The following SLC35D2 variants were observed in gnomAD, a reference collection of about 807,000 sequenced individuals.
The protein encoded by SLC35D2 is solute carrier family 35 member D2, also known as nucleotide sugar transporter SLC35D2.
SLC35D2 carries 43 observed loss-of-function variants against 41.8 expected under a neutral mutation model. The ratio of observed to expected loss-of-function variants is 1.03; its 90% confidence interval spans 0.81 to 1.33. The LOEUF is 1.33. SLC35D2 is among the 40% of genes most tolerant of loss of function. The pLI, the probability that SLC35D2 is intolerant of heterozygous loss-of-function variation, is 0.00. For missense variants in SLC35D2, 380 were observed against 408.4 expected (o/e 0.93, Z 0.60); for synonymous variants, 150 against 163.9 (o/e 0.92, Z 0.65).
At chr9:96,366,362 C>T (rs148923925) in intron 2 of SLC35D2, among the ~76,000 whole-genome samples, 21 of 151,034 alleles carry the variant, frequency 1.4e-4, no homozygotes, top group African/African-American at 5.1e-4. Flanking sequence ...TATACTAACA[C>T]TTAAATGTAA....
At chr9:96,364,382 G>A (rs1830397656) in intron 3 of SLC35D2, 82 bp downstream of exon 3, 1 of 848,348 alleles carries the variant, frequency 1.2e-6, no homozygotes, top group African/African-American at 1.7e-5. Context: ...AGTACAGTGT[G>A]TATAGAAATT....
At position 96,340,357 on chromosome 9, in the gene SLC35D2, G is replaced by A. The variant is rs527687881; in HGVS notation, c.684+3547C>T. Among the ~76,000 whole-genome samples the A allele has an allele frequency of 6.6e-5, 10 of 152,068 alleles. 1 individual carries two copies. Among genetic ancestry groups the A allele is most frequent in the East Asian group, 1.9e-4 (1 of 5,166 alleles). ...AACTTGGCTGGGCGCAGTGGCTCAC[G>A]TCTGTAATTCTAGCATTTTGGAAGG... On this transcript the variant is annotated intron_variant, in intron 8 of 11. Coordinates refer to ENST00000253270, the MANE Select transcript of SLC35D2 (RefSeq NM_007001.3).
At position 96,378,221 on chromosome 9, in the gene SLC35D2, C is replaced by T. The variant is rs550154666; in HGVS notation, c.158+5256G>A. Among the ~76,000 whole-genome samples, 5 of 151,318 alleles carry T rather than the reference C, an allele frequency of 3.3e-5. No homozygotes were observed. In the East Asian group the frequency reaches 5.8e-4, roughly 18 times the overall value. On this transcript the variant is annotated intron_variant, in intron 1 of 11. Transcript: ENST00000253270. ...GGCCAAGCCAGGTGGACCACTTGAG[C>T]CCAAGAGTTCGAGACCAGCCTGAGC...
chr9:96,325,628 T>C (rs1194247978), intron 9 of SLC35D2, among the ~76,000 whole-genome samples: 2 of 152,136 alleles, frequency 1.3e-5, no homozygotes, highest in African/African-American at 2.4e-5. Flanking sequence ...GCTGAGATCA[T>C]ACCACTGCAC....
intron 7 of SLC35D2, among the ~76,000 whole-genome samples, chr9:96,344,717 TGGGGGAGGGATGGGGGA>T (rs1156360945): frequency 3.5e-5 from 1 of 28,726 alleles, no homozygotes; most frequent in East Asian, 5.0e-3. Flanking sequence ...CAGCTGGGGG[TGGGGGAGGGATGGGGGA>T]GGGGGAGGGA....
chr9:96,317,892 G>A (rs1828094158), downstream of SLC35D2, among the ~76,000 whole-genome samples: 1 of 150,324 alleles, frequency 6.7e-6, no homozygotes, highest in South Asian at 2.1e-4. Context: ...AAATAGCCAG[G>A]CGTAGTGGCG....
chr9:96,363,247 T>C (rs1160361583), intron 3 of SLC35D2, among the ~76,000 whole-genome samples: 1 of 151,556 alleles, frequency 6.6e-6, no homozygotes, highest in Non-Finnish European at 1.5e-5. Flanking sequence ...ACGATCCTCC[T>C]GCCTTGATCT....
In SLC35D2 at chr9:96,383,487, T is replaced by G. The variant is rs772952840; in HGVS notation, c.148A>C (p.Thr50Pro). The G allele has an allele frequency of 1.3e-6, 2 of 1,536,050 alleles. No individual in the cohort carries two copies. The highest frequency in any genetic ancestry group is 1.8e-6 in the Non-Finnish European group (2 of 1,140,802). ...CGGGCCCCGCCTCACCCGTAGGTGG[T>G]CAGCAGCGCCTTGTTGACAAGCACG... Reference protein sequence around the residue: ...LIVLVNKALLTTYGFPSPIFL... With the variant: ...LIVLVNKALLPTYGFPSPIFL... Residue 50 changes from threonine (T) to proline (P), a missense_variant, in exon 1 of 12, where the codon ACC becomes CCC. Physicochemically the swap from Thr to Pro is conservative, Grantham distance 38 (BLOSUM62 -1). Transcript: ENST00000253270.
exon 12 of SLC35D2, among the ~76,000 whole-genome samples, chr9:96,313,715 T>C (rs1698999390): frequency 6.6e-6 from 1 of 152,228 alleles, no homozygotes; most frequent in Non-Finnish European, 1.5e-5. Context: ...TTGGGCAAGA[T>C]TAAATTCTTT....
In SLC35D2 at chr9:96,325,075, C is replaced by T. The variant is rs1828460235; in HGVS notation, c.753-906G>A. 3.3e-5 allele frequency among the ~76,000 whole-genome samples: 5 copies of T among 152,320 alleles called. No homozygotes were observed. In the South Asian group the frequency reaches 1.0e-3, roughly 32 times the overall value. On this transcript the variant is annotated intron_variant, in intron 9 of 11. Coordinates refer to ENST00000253270, the MANE Select transcript of SLC35D2 (RefSeq NM_007001.3). ...ATAGATTCCACTTGTGGATAATGCT[C>T]CTGTAACTGTTACCAAAGTTAACTC...
At chr9:96,335,261 A>T (rs1828995981) in intron 9 of SLC35D2, among the ~76,000 whole-genome samples, 1 of 152,210 alleles carries the variant, frequency 6.6e-6, no homozygotes, top group South Asian at 2.1e-4. Context: ...CTCAGGGAGG[A>T]TACTCCCAAG....
At chr9:96,330,782 T>C (rs1828771238) in intron 9 of SLC35D2, among the ~76,000 whole-genome samples, 1 of 152,164 alleles carries the variant, frequency 6.6e-6, no homozygotes, top group African/African-American at 2.4e-5. Context: ...AATAGATAGC[T>C]GCAAAGAGAG....
At chr9:96,361,150 T>C (rs886582213) in intron 3 of SLC35D2, among the ~76,000 whole-genome samples, 2 of 152,160 alleles carry the variant, frequency 1.3e-5, no homozygotes, top group African/African-American at 4.8e-5. Context: ...TGAAGAACAG[T>C]TCAACGATAC....
chr9:96,360,084 ATCTTGG>A, intron 4 of SLC35D2, 64 bp downstream of exon 4: 1 of 1,139,106 alleles, frequency 8.8e-7, no homozygotes, highest in East Asian at 2.4e-5. Flanking sequence ...GCAAAAATCA[ATCTTGG>A]TCTTTGTACC....
chr9:96,347,882 G>T (rs1024936959), intron 6 of SLC35D2, among the ~76,000 whole-genome samples: 2 of 152,110 alleles, frequency 1.3e-5, no homozygotes, highest in Non-Finnish European at 2.9e-5. Context: ...CTACACTCCC[G>T]CCAGCGCCGT....
rs114254415 is a variant in SLC35D2 at position 96,380,774 on chromosome 9, T to C, written c.158+2703A>G. On this transcript the variant is annotated intron_variant, in intron 1 of 11. Coordinates refer to ENST00000253270, the MANE Select transcript of SLC35D2 (RefSeq NM_007001.3). ...AGGTGTGAGCCACCGCGCCCGGCCT[T>C]TTTTTTTTATCCTAAGTGTTTAAGT... 8.6e-3 allele frequency among the ~76,000 whole-genome samples: 1,284 copies of C among 149,312 alleles called. 16 individuals are homozygous for C. Among genetic ancestry groups the C allele is most frequent in the African/African-American group, 0.03 (1,207 of 40,750 alleles).
At chr9:96,373,929 A>T (rs1304519932) in intron 1 of SLC35D2, 1 of 152,158 alleles carries the variant, frequency 6.6e-6, no homozygotes, top group Non-Finnish European at 1.5e-5. Context: ...AATGTAGGAG[A>T]ATATCCTAAG....
At chr9:96,379,573 G>T (rs1831104521) in intron 1 of SLC35D2, among the ~76,000 whole-genome samples, 1 of 152,118 alleles carries the variant, frequency 6.6e-6, no homozygotes, top group African/African-American at 2.4e-5. Flanking sequence ...CTGCGAATTA[G>T]GTAACTACCA....
intron 3 of SLC35D2, among the ~76,000 whole-genome samples, chr9:96,362,651 CA>C (rs1190844421): frequency 1.3e-5 from 2 of 152,100 alleles, no homozygotes; most frequent in Non-Finnish European, 1.5e-5. Context: ...TAATGGTTTA[CA>C]AGGGTAATTA....
Sources: allele counts gnomAD v4.1 joint callset (sites outside exome capture counted in the v4.1 genomes callset), GRCh38; gene constraint gnomAD v4.1.1; transcripts MANE v1.5; gene names NCBI Gene and HGNC (gene_info 2026-07-23, HGNC 2026-07-21).